Variants in CEP152 observed in about 807,000 individuals in gnomAD.
CEP152 encodes the protein centrosomal protein 152, also known as centrosomal protein of 152 kDa.
CEP152 carries 132 observed loss-of-function variants against 188.9 expected under a neutral mutation model. The observed-to-expected ratio is 0.70, with a 90% CI of 0.61 to 0.81. The LOEUF (loss-of-function observed/expected upper bound fraction) is 0.81, where lower values mean the gene tolerates loss of function less well. Among genes scored for constraint, CEP152 ranks in the 30% least tolerant of loss-of-function variants. CEP152 has a pLI of 0.00. For synonymous variants in CEP152, 649 were observed against 666.6 expected, an observed-to-expected ratio of 0.97 and a Z score of 0.41; for missense variants, 1,914 against 1,969.8, an observed-to-expected ratio of 0.97 and a Z score of 0.54.
chr15:48,744,827 T>G, intron 23 of CEP152, 69 bp downstream of exon 23: 3 of 1,428,428 alleles, frequency 2.1e-6, no homozygotes, highest in Non-Finnish European at 2.8e-6. Context: ...AAATTGATAC[T>G]TAAAAAAATT....
rs1469844269 is a variant in CEP152 at position 48,742,159 on chromosome 15, C to T, written c.3836-59G>A. The T allele has an allele frequency of 4.7e-6, 7 of 1,476,364 alleles. No individual in the cohort carries two copies. In the African/African-American group the frequency reaches 8.3e-5, roughly 18 times the overall value. The allele number at this position is 1,476,364 out of a possible 1,614,324, so 91.5% of individuals were successfully genotyped here. ...ATGTTTATTAGCACTTTTTCAGAAA[C>T]AGGAGGGGCAGACTTCAGATCAATT... On this transcript the variant is annotated intron_variant, in intron 24 of 26. Transcript: ENST00000380950.
rs1044141706 is a variant in CEP152 at position 48,775,849 on chromosome 15, C to T, written c.1578-3158G>A. Among the ~76,000 whole-genome samples the T allele has an allele frequency of 7.3e-5, 11 of 151,576 alleles. 1 individual carries two copies. Among genetic ancestry groups the T allele is most frequent in the Non-Finnish European group, 1.3e-4 (9 of 67,886 alleles). ...ATGACTGCACAGTTCTGTGAATATA[C>T]GGAAAACCACTGAGCTGTATTCTTT... On this transcript the variant is annotated intron_variant, in intron 12 of 26. Transcript: ENST00000380950.
Position 48,788,854 on chromosome 15 carries a change from C to T in CEP152, c.1120G>A (p.Val374Ile), listed in dbSNP as rs188346136. 6 of 1,614,206 alleles carry T rather than the reference C, an allele frequency of 3.7e-6. No homozygotes were observed. The Admixed American group carries it at 5.0e-5, about 13-fold the overall frequency. Residue 374 changes from valine to isoleucine, a missense_variant, in exon 9 of 27, where the codon GTA becomes ATA. Transcript: ENST00000380950. Reference sequence around the variant, plus strand: ...TCCAAATTCTTTTGTAAGGACAATACTTGCTCTTCGTACTTCTTTGTGAGG... The same window carrying T: ...TCCAAATTCTTTTGTAAGGACAATATTTGCTCTTCGTACTTCTTTGTGAGG... ...MGLTKKYEEQVLSLQKNLDAT... is the reference protein window; with the variant it reads ...MGLTKKYEEQILSLQKNLDAT...
rs1184119575 is a variant in CEP152 at position 48,788,994 on chromosome 15, T to C, written c.980A>G (p.Lys327Arg). ...AGCCATTTCAGTTGTTCTGGACTTC[T>C]TGATCATCTAGTAAATACACACAGG... is the stretch of plus-strand genomic sequence containing the variant. ...ALKVNEEQMI[K>R]KSRTTEMALE... Residue 327 changes from lysine to arginine, a missense_variant, in exon 9 of 27, where the codon AAG (lysine) becomes AGG (arginine). Lys to Arg is a conservative substitution (Grantham distance 26). Coordinates refer to ENST00000380950, the MANE Select transcript of CEP152 (RefSeq NM_001194998.2). 1 of 1,614,006 alleles carries C rather than the reference T, an allele frequency of 6.2e-7. No individual in the cohort carries two copies. The highest frequency in any genetic ancestry group is 2.2e-5 in the East Asian group (1 of 44,888).
At chr15:48,765,885 C>T (rs2140742408) in intron 17 of CEP152, among the ~76,000 whole-genome samples, 1 of 152,062 alleles carries the variant, frequency 6.6e-6, no homozygotes, top group Middle Eastern at 3.4e-3. Context: ...ATCTCCTGAC[C>T]TCGTGATCCG....
chr15:48,786,487 A>G (rs1482408171), intron 9 of CEP152, among the ~76,000 whole-genome samples: 1 of 152,172 alleles, frequency 6.6e-6, no homozygotes, highest in Non-Finnish European at 1.5e-5. Context: ...ACAATCCATA[A>G]ATTTCTCAAA....
At chr15:48,752,237 G>A (rs1893924531) in intron 21 of CEP152, 112 bp downstream of exon 21, 8 of 1,571,638 alleles carry the variant, frequency 5.1e-6, no homozygotes, top group Non-Finnish European at 8.7e-7. Flanking sequence ...CATTAAGTCA[G>A]ACGATTATTA....
intron 21 of CEP152, among the ~76,000 whole-genome samples, chr15:48,750,455 C>T (rs1893791086): frequency 6.6e-6 from 1 of 152,160 alleles, no homozygotes; most frequent in Non-Finnish European, 1.5e-5. Context: ...TCTTAGCTCT[C>T]TCCTGACATT....
rs767693715 is a variant in CEP152 at position 48,741,689 on chromosome 15, A to C, written c.4005T>G (p.Ile1335Met). Residue 1335 changes from isoleucine (I) to methionine (M), a missense_variant, in exon 26 of 27, where the codon ATT becomes ATG. Ile to Met is a conservative substitution (Grantham distance 10). Coordinates refer to ENST00000380950, the MANE Select transcript of CEP152 (RefSeq NM_001194998.2). ...DDGKEGAEKK[I>M]MNAASKLATM... Reference sequence around the variant, plus strand: ...TAGCAAGTTTGCTAGCAGCATTCATAATCTTTTTCTCAGCCCTGTGGGGAA... The same window carrying C: ...TAGCAAGTTTGCTAGCAGCATTCATCATCTTTTTCTCAGCCCTGTGGGGAA... 9.9e-6 allele frequency: 16 copies of C among 1,613,976 alleles called. No homozygotes were observed. The highest frequency in any genetic ancestry group is 1.3e-5 in the Non-Finnish European group (15 of 1,180,022).
intron 23 of CEP152, 65 bp from the exon 24 acceptor site, chr15:48,744,408 T>C: frequency 6.3e-7 from 1 of 1,590,504 alleles, no homozygotes; most frequent in Non-Finnish European, 8.6e-7. Context: ...TTGAAAAATA[T>C]ATATGTATCC....
intron 6 of CEP152, among the ~76,000 whole-genome samples, chr15:48,794,585 A>G (rs780067468): frequency 1.2e-4 from 18 of 152,226 alleles, no homozygotes; most frequent in Non-Finnish European, 1.9e-4. Flanking sequence ...TTATTTAATT[A>G]ACTTCCAAAT....
At chr15:48,794,951 C>T (rs1271197033) in intron 6 of CEP152, among the ~76,000 whole-genome samples, 1 of 152,208 alleles carries the variant, frequency 6.6e-6, no homozygotes, top group Non-Finnish European at 1.5e-5. Context: ...AATATGAAGT[C>T]ACAACCCAAA....
chr15:48,739,195 G>T lies in CEP152; in HGVS notation c.4187C>A (p.Ser1396Ter), dbSNP rs1439092066. Reference protein sequence around the residue: ...QKIPCCIESKSNSVNTITRTL... With the variant: ...QKIPCCIESK ...TCTGGTGATGGTGTTTACACTATTT[G>T]ATTTGCTTTCAATACAACATGGTAT... The change falls in exon 27 of 27, where the codon TCA becomes TAA. Residue 1396 changes from serine to a stop codon, truncating the protein, a stop_gained. Coordinates refer to ENST00000380950, the MANE Select transcript of CEP152 (RefSeq NM_001194998.2). LOFTEE classifies it low-confidence loss of function (END_TRUNC). 1.2e-6 allele frequency: 2 copies of T among 1,613,556 alleles called. No homozygotes were observed. Among genetic ancestry groups the T allele is most frequent in the Non-Finnish European group, 1.7e-6 (2 of 1,179,864 alleles).
chr15:48,787,163 G>GTCTTTTTTTTTTTTT (rs1896697901), intron 9 of CEP152, among the ~76,000 whole-genome samples: 1 of 101,500 alleles, frequency 9.9e-6, no homozygotes, highest in East Asian at 3.1e-4. Flanking sequence ...TATAGCCTTC[G>GTCTTTTTTTTTTTTT]TTTTTTTTTT....
At chr15:48,783,906 CCTA>C in intron 10 of CEP152, 64 bp downstream of exon 10, 1 of 1,541,176 alleles carries the variant, frequency 6.5e-7, no homozygotes, top group Non-Finnish European at 9.0e-7. Flanking sequence ...AGTCATGGAT[CCTA>C]CTACATTCTT....
At chr15:48,759,973 T>A (rs1894557705) in intron 19 of CEP152, among the ~76,000 whole-genome samples, 162 bp downstream of exon 19, 1 of 152,242 alleles carries the variant, frequency 6.6e-6, no homozygotes, top group African/African-American at 2.4e-5. Context: ...AACAACTTGA[T>A]GATGACAAGA....
At chr15:48,782,292 T>A in intron 10 of CEP152, 62 bp from the exon 11 acceptor site, 1 of 1,396,452 alleles carries the variant, frequency 7.2e-7, no homozygotes. Flanking sequence ...GCTTATGATC[T>A]ACAGAAGACT....
chr15:48,744,163 G>T, intron 24 of CEP152, 77 bp downstream of exon 24: 2 of 1,576,528 alleles, frequency 1.3e-6, no homozygotes, highest in South Asian at 1.2e-5. Flanking sequence ...ACTACTGCTG[G>T]TAAACTCTGA....
intron 17 of CEP152, among the ~76,000 whole-genome samples, chr15:48,764,050 G>T (rs966394334): frequency 1.3e-5 from 2 of 152,164 alleles, no homozygotes; most frequent in African/African-American, 4.8e-5. Context: ...AATAAAACTG[G>T]TGTGGTAACT....
Sources: allele counts gnomAD v4.1 joint callset (sites outside exome capture counted in the v4.1 genomes callset), GRCh38; gene constraint gnomAD v4.1.1; transcripts MANE v1.5; gene names NCBI Gene and HGNC (gene_info 2026-07-23, HGNC 2026-07-21).